GALNTL6: variants seen among roughly 807,000 people sequenced by gnomAD.
GALNTL6 encodes the protein polypeptide N-acetylgalactosaminyltransferase-like 6.
In GALNTL6, 46 loss-of-function variants were observed where a neutral mutation model predicts 73.7. The ratio of observed to expected loss-of-function variants is 0.62; its 90% confidence interval spans 0.49 to 0.80. The LOEUF is 0.80. Ranked by LOEUF, GALNTL6 falls within the 30% of genes least tolerant of loss-of-function variation. The pLI, the probability that GALNTL6 is intolerant of heterozygous loss-of-function variation, is 0.00. For synonymous variants in GALNTL6, 259 were observed against 263.7 expected, an observed-to-expected ratio of 0.98 and a Z score of 0.17; for missense variants, 604 against 755.0, an observed-to-expected ratio of 0.80 and a Z score of 2.34.
At chr4:172,780,163 G>GA (rs928783972) in intron 5 of GALNTL6, among the ~76,000 whole-genome samples, 54 of 151,650 alleles carry the variant, frequency 3.6e-4, no homozygotes, top group African/African-American at 1.2e-3. Context: ...TGAAGCTCTG[G>GA]AAAAAAGAAA....
intron 2 of GALNTL6, among the ~76,000 whole-genome samples, chr4:171,840,544 A>G (rs1735211247): frequency 6.6e-6 from 1 of 152,148 alleles, no homozygotes; most frequent in Non-Finnish European, 1.5e-5. Flanking sequence ...TACAAAAGCC[A>G]ATGATCTGAA....
At chr4:172,298,226 T>G (rs1027282926) in intron 3 of GALNTL6, among the ~76,000 whole-genome samples, 1 of 152,232 alleles carries the variant, frequency 6.6e-6, no homozygotes, top group Non-Finnish European at 1.5e-5. Flanking sequence ...TTTGCTGATG[T>G]TGCTCATCAG....
intron 5 of GALNTL6, among the ~76,000 whole-genome samples, chr4:172,733,472 T>C (rs1036163341): frequency 6.6e-6 from 1 of 151,648 alleles, no homozygotes; most frequent in East Asian, 1.9e-4. Flanking sequence ...CCTATGGGGG[T>C]ATTTGATATG....
intron 2 of GALNTL6, among the ~76,000 whole-genome samples, chr4:171,858,083 G>A (rs1323173206): frequency 1.3e-5 from 2 of 152,004 alleles, no homozygotes; most frequent in Non-Finnish European, 2.9e-5. Context: ...TTGGGATTTT[G>A]TTTTTGTTTT....
At chr4:172,259,750 T>A (rs975414570) in intron 3 of GALNTL6, among the ~76,000 whole-genome samples, 1 of 151,732 alleles carries the variant, frequency 6.6e-6, no homozygotes, top group Non-Finnish European at 1.5e-5. Context: ...GGCCTTAGAT[T>A]TAAGTCTTTG....
chr4:172,289,415 A>G (rs576551973), intron 3 of GALNTL6, among the ~76,000 whole-genome samples: 1 of 152,162 alleles, frequency 6.6e-6, no homozygotes, highest in Admixed American at 6.5e-5. Flanking sequence ...TGTTTTGACT[A>G]TTATTTTCCT....
chr4:172,238,296 T>C (rs1200657931), intron 3 of GALNTL6, among the ~76,000 whole-genome samples: 1 of 152,198 alleles, frequency 6.6e-6, no homozygotes, highest in Non-Finnish European at 1.5e-5. Context: ...TTTGTAATCC[T>C]CATTTTAGAG....
chr4:172,948,618 A>AT (rs369982668), intron 9 of GALNTL6, among the ~76,000 whole-genome samples: 6,646 of 136,484 alleles, frequency 0.049, 301 homozygotes, highest in African/African-American at 0.12. Context: ...AGCCTCGCTA[A>AT]TTTTTTTTTT....
At chr4:172,378,744 CTTGA>C (rs1018225126) in intron 5 of GALNTL6, among the ~76,000 whole-genome samples, 2 of 151,696 alleles carry the variant, frequency 1.3e-5, no homozygotes, top group Admixed American at 1.3e-4. Context: ...GTGTATATAC[CTTGA>C]TTTATAACAT....
At chr4:172,724,224 C>A (rs1227853822) in intron 5 of GALNTL6, among the ~76,000 whole-genome samples, 2 of 152,160 alleles carry the variant, frequency 1.3e-5, no homozygotes, top group East Asian at 1.9e-4. Context: ...AGATTTCAAT[C>A]CTTCTTCTCA....
rs551391704 is a variant in GALNTL6, at chr4:172,728,097, A to G, written c.554-81264A>G. ...CTGGCTAATTTTTTGTATCTTTAGT[A>G]GAGATGGGGTTTCACTGTGTTGGCC... On this transcript the variant is annotated intron_variant, in intron 5 of 12. Transcript: ENST00000506823. Among the ~76,000 whole-genome samples, 102 of 152,192 alleles carry G rather than the reference A, an allele frequency of 6.7e-4. 1 individual carries two copies. Among genetic ancestry groups the G allele is most frequent in the African/African-American group, 2.5e-3 (102 of 41,546 alleles).
chr4:172,007,001 T>G (rs1170221395), intron 2 of GALNTL6, among the ~76,000 whole-genome samples: 4 of 152,134 alleles, frequency 2.6e-5, no homozygotes, highest in Non-Finnish European at 5.9e-5. Context: ...GCAACAAAAT[T>G]CTGTTTTCCG....
chr4:172,245,594 G>A (rs937236858), intron 3 of GALNTL6, among the ~76,000 whole-genome samples: 2 of 152,172 alleles, frequency 1.3e-5, no homozygotes, highest in African/African-American at 4.8e-5. Flanking sequence ...TTGAGGGACT[G>A]TGATTCATTC....
At chr4:171,876,743 T>C (rs1479356599) in intron 2 of GALNTL6, among the ~76,000 whole-genome samples, 1 of 152,194 alleles carries the variant, frequency 6.6e-6, no homozygotes, top group African/African-American at 2.4e-5. Flanking sequence ...CTCAATCACA[T>C]CTGGAATTGA....
At chr4:172,140,638 T>C (rs1051243158) in intron 2 of GALNTL6, among the ~76,000 whole-genome samples, 9 of 152,018 alleles carry the variant, frequency 5.9e-5, no homozygotes, top group Admixed American at 4.6e-4. Context: ...GAACGCTGTC[T>C]CCAGAAATGT....
chr4:172,193,878 G>C (rs879786835), intron 2 of GALNTL6, among the ~76,000 whole-genome samples: 1 of 151,868 alleles, frequency 6.6e-6, no homozygotes, highest in African/African-American at 2.4e-5. Context: ...GAAAAGAAAA[G>C]AGAAATAATC....
At chr4:172,814,546 A>T (rs1741494997) in intron 7 of GALNTL6, among the ~76,000 whole-genome samples, 1 of 152,184 alleles carries the variant, frequency 6.6e-6, no homozygotes, top group African/African-American at 2.4e-5. Flanking sequence ...TTGTTATTTT[A>T]AAACTATTAT....
intron 2 of GALNTL6, among the ~76,000 whole-genome samples, chr4:171,856,277 ATTTTT>A (rs35607036): frequency 6.9e-6 from 1 of 145,320 alleles, no homozygotes. Context: ...TACTTTTTGT[ATTTTT>A]TTTTTTTTTT....
At chr4:172,480,503 C>T (rs985756493) in intron 5 of GALNTL6, among the ~76,000 whole-genome samples, 4 of 151,964 alleles carry the variant, frequency 2.6e-5, no homozygotes, top group East Asian at 3.9e-4. Context: ...TAAGTAACTA[C>T]GATGTAAAAG....
Sources: allele counts gnomAD v4.1 joint callset (sites outside exome capture counted in the v4.1 genomes callset), GRCh38; gene constraint gnomAD v4.1.1; transcripts MANE v1.5; gene names NCBI Gene and HGNC (gene_info 2026-07-23, HGNC 2026-07-21).